CPA6: variants seen among roughly 807,000 people sequenced by gnomAD.
CPA6 encodes the protein carboxypeptidase B.
A neutral mutation model predicts 63.3 loss-of-function variants in CPA6; 58 were observed. That is an observed-to-expected ratio of 0.92 (90% confidence interval 0.74 to 1.14). The LOEUF is 1.14. Ranked by LOEUF, CPA6 falls within the 50% of genes most tolerant of loss-of-function variation. CPA6 has a pLI of 0.00. For missense variants in CPA6, 565 were observed against 526.6 expected, an observed-to-expected ratio of 1.07 and a Z score of -0.71; for synonymous variants, 185 against 179.0, an observed-to-expected ratio of 1.03 and a Z score of -0.27.
chr8:67,719,692 A>G (rs1563407253), intron 1 of CPA6, among the ~76,000 whole-genome samples: 1 of 152,186 alleles, frequency 6.6e-6, no homozygotes, highest in Non-Finnish European at 1.5e-5. Context: ...GCATAAAATA[A>G]TGACGGCAGC....
At chr8:67,581,218 C>T (rs114489946) in intron 2 of CPA6, among the ~76,000 whole-genome samples, 2,932 of 152,048 alleles carry the variant, frequency 0.019, 102 homozygotes, top group African/African-American at 0.065. Flanking sequence ...AGTGGATGTG[C>T]GACAGTTGAT....
intron 2 of CPA6, among the ~76,000 whole-genome samples, chr8:67,547,110 C>T (rs1243642118): frequency 6.6e-6 from 1 of 150,582 alleles, no homozygotes; most frequent in African/African-American, 2.4e-5. Flanking sequence ...GCAGTGGCGC[C>T]ATCACGGCTC....
intron 2 of CPA6, among the ~76,000 whole-genome samples, chr8:67,540,244 T>A (rs540660850): frequency 1.3e-5 from 2 of 152,286 alleles, no homozygotes; most frequent in African/African-American, 4.8e-5. Context: ...GTTAGTTTTT[T>A]CCCCAACAGT....
chr8:67,454,132 C>G (rs75278976), intron 8 of CPA6, among the ~76,000 whole-genome samples: 1 of 152,212 alleles, frequency 6.6e-6, no homozygotes, highest in Non-Finnish European at 1.5e-5. Flanking sequence ...CTATACCAAC[C>G]CTGTCTTTAC....
intron 2 of CPA6, among the ~76,000 whole-genome samples, chr8:67,567,237 C>T (rs1372815729): frequency 6.6e-6 from 1 of 152,132 alleles, no homozygotes; most frequent in Non-Finnish European, 1.5e-5. Context: ...GATACATGGG[C>T]CTGGCCAGGG....
chr8:67,484,836 AGG>A, intron 6 of CPA6, 47 bp from the exon 7 acceptor site: 3 of 1,030,484 alleles, frequency 2.9e-6, no homozygotes, highest in Admixed American at 1.9e-5. Context: ...TCCCCAAAAG[AGG>A]AAAAAAGAGT....
intron 1 of CPA6, among the ~76,000 whole-genome samples, chr8:67,696,605 A>T (rs529661346): frequency 3.9e-5 from 6 of 152,366 alleles, no homozygotes; most frequent in African/African-American, 1.2e-4. Context: ...CAAAAATGGA[A>T]ACAACACAAA....
intron 1 of CPA6, among the ~76,000 whole-genome samples, chr8:67,644,626 T>C (rs568011280): frequency 6.6e-6 from 1 of 152,270 alleles, no homozygotes; most frequent in East Asian, 1.9e-4. Context: ...CACCGGAACT[T>C]GAAGAGGGAT....
At chr8:67,488,304 C>T (rs551091747) in intron 6 of CPA6, among the ~76,000 whole-genome samples, 237 of 152,198 alleles carry the variant, frequency 1.6e-3, no homozygotes, top group African/African-American at 5.3e-3. Flanking sequence ...ATTTATTAAA[C>T]AGGGAATCCT....
chr8:67,671,498 TA>T (rs551071050), intron 1 of CPA6, among the ~76,000 whole-genome samples: 402 of 152,282 alleles, frequency 2.6e-3, no homozygotes, highest in African/African-American at 9.3e-3. Context: ...ACCTAAGCTA[TA>T]AAAATACATG....
In CPA6 at chr8:67,475,881, CCTT is replaced by C. The variant is rs1811207597; in HGVS notation, c.838+7884_838+7886del. Among the ~76,000 whole-genome samples, 90 of 43,166 alleles carry C rather than the reference CCTT, an allele frequency of 2.1e-3. 7 individuals carry two copies. Among genetic ancestry groups the C allele is most frequent in the African/African-American group, 8.1e-3 (87 of 10,742 alleles). The allele number at this position is 43,166 out of a possible 152,430, so 28.3% of individuals were successfully genotyped here. ...TTTCTTTCTTTCTTTCTTTCTTTCT[CCTT>C]TCTTTCTTTCTTTCTTTCTTTCTTT... On this transcript the variant is annotated intron_variant, in intron 8 of 10. Transcript: ENST00000297770.
In CPA6 at chr8:67,487,581, A is replaced by G. The variant is rs545367347; in HGVS notation, c.637-2792T>C. Among the ~76,000 whole-genome samples, 517 of 152,302 alleles carry G rather than the reference A, an allele frequency of 3.4e-3. 4 individuals are homozygous for G. The highest frequency in any genetic ancestry group is 0.012 in the African/African-American group (487 of 41,548). ...TGGTTATATACCCAGTAATGGGACC[A>G]CTGGGTCAAATGGTATTTCTAGTTC... On this transcript the variant is annotated intron_variant, in intron 6 of 10. Coordinates refer to ENST00000297770, the MANE Select transcript of CPA6 (RefSeq NM_020361.5).
intron 1 of CPA6, among the ~76,000 whole-genome samples, chr8:67,681,364 C>T (rs1816594059): frequency 5.3e-5 from 8 of 150,038 alleles, no homozygotes; most frequent in Admixed American, 2.0e-4. Flanking sequence ...CGCCCGCCAC[C>T]GTGCCCGGCT....
At chr8:67,444,216 C>T (rs905915007) in intron 8 of CPA6, among the ~76,000 whole-genome samples, 3 of 151,830 alleles carry the variant, frequency 2.0e-5, no homozygotes, top group South Asian at 2.1e-4. Context: ...TCTCGATCTC[C>T]CGACCTCGTG....
rs867897644 is a variant in CPA6 at position 67,522,783 on chromosome 8, A to G, written c.193-4736T>C. The stretch of plus-strand genomic sequence containing the variant: ...GGCGCCCAAGGTGGAAGCCAGTTGC[A>G]GCATGCCTGGTCCAGCCACAGGCTG... On this transcript the variant is annotated intron_variant, in intron 2 of 10. Transcript: ENST00000297770. 3.3e-5 allele frequency among the ~76,000 whole-genome samples: 5 copies of G among 152,226 alleles called. No homozygotes were observed. The South Asian group carries it at 1.0e-3, about 32-fold the overall frequency.
chr8:67,486,003 C>G (rs1811469338), intron 6 of CPA6, among the ~76,000 whole-genome samples: 4 of 152,154 alleles, frequency 2.6e-5, no homozygotes, highest in Admixed American at 6.5e-5. Flanking sequence ...CTTCCCTGTT[C>G]ACATAAATTT....
chr8:67,470,882 G>A (rs1405211737), intron 8 of CPA6, among the ~76,000 whole-genome samples: 1 of 152,132 alleles, frequency 6.6e-6, no homozygotes, highest in East Asian at 1.9e-4. Flanking sequence ...GCATTCAAAT[G>A]GGAAGGTATA....
intron 2 of CPA6, among the ~76,000 whole-genome samples, chr8:67,590,565 T>G (rs1169473717): frequency 6.6e-6 from 1 of 152,112 alleles, no homozygotes; most frequent in African/African-American, 2.4e-5. Context: ...TTTCCTGACT[T>G]TTTAATGATT....
chr8:67,492,550 T>C (rs978890708), intron 6 of CPA6, among the ~76,000 whole-genome samples: 12 of 151,958 alleles, frequency 7.9e-5, no homozygotes, highest in African/African-American at 2.9e-4. Context: ...ATACTAAATA[T>C]TAGTTTTACT....
Sources: gnomAD v4.1 joint callset for allele counts (sites outside exome capture counted in the v4.1 genomes callset) on GRCh38, gnomAD v4.1.1 for gene constraint, MANE v1.5 for transcripts, NCBI Gene and HGNC (gene_info 2026-07-23, HGNC 2026-07-21) for gene names.